The following TRAPPC12 variants were observed in gnomAD, a reference collection of about 807,000 sequenced individuals.
TRAPPC12 encodes the protein trafficking protein particle complex subunit 12, also known as TPR repeat protein 15.
In TRAPPC12, 61 loss-of-function variants were observed where a neutral mutation model predicts 69.2. The ratio of observed to expected loss-of-function variants is 0.88; its 90% CI spans 0.72 to 1.09. The LOEUF (loss-of-function observed/expected upper bound fraction) is 1.09, where lower values mean the gene tolerates loss of function less well. Ranked by LOEUF, TRAPPC12 falls within the 50% of genes least tolerant of loss-of-function variation. TRAPPC12 has a pLI of 0.00. For synonymous variants in TRAPPC12, 469 were observed against 438.9 expected, an observed-to-expected ratio of 1.07 and a Z score of -0.86; for missense variants, 1,101 against 1,016.4, an observed-to-expected ratio of 1.08 and a Z score of -1.13.
intron 3 of TRAPPC12, among the ~76,000 whole-genome samples, chr2:3,413,638 T>A (rs562443031): frequency 6.6e-5 from 10 of 152,288 alleles, no homozygotes; most frequent in East Asian, 1.9e-4. Context: ...TATGTTTTTT[T>A]AAAAAAAGAC....
At position 3,446,172 on chromosome 2, in the gene TRAPPC12, G is replaced by A. The variant is rs117021532; in HGVS notation, c.1530+2281G>A. Among the ~76,000 whole-genome samples the A allele has an allele frequency of 1.0e-3, 153 of 152,214 alleles. No individual in the cohort carries two copies. The East Asian group carries it at 0.026, about 26-fold the overall frequency. On this transcript the variant is annotated intron_variant, in intron 6 of 11. Transcript: ENST00000324266. Reference sequence around the variant, plus strand: ...CCTCTCATCTTGTGAATACATAACCGCACTTCAGGTATCTCTCATGTTTAA... The same window carrying A: ...CCTCTCATCTTGTGAATACATAACCACACTTCAGGTATCTCTCATGTTTAA...
At chr2:3,478,407 T>C (rs1414223284) in intron 10 of TRAPPC12, among the ~76,000 whole-genome samples, 1 of 152,148 alleles carries the variant, frequency 6.6e-6, no homozygotes, top group Non-Finnish European at 1.5e-5. Flanking sequence ...CTGAGGCACG[T>C]AGATCACTTG....
chr2:3,405,296 G>A (rs978065436), intron 3 of TRAPPC12, among the ~76,000 whole-genome samples: 2 of 151,978 alleles, frequency 1.3e-5, no homozygotes, highest in African/African-American at 4.8e-5. Flanking sequence ...GTAGAGGTTG[G>A]CCCCAAACAA....
intron 3 of TRAPPC12, among the ~76,000 whole-genome samples, chr2:3,421,229 A>G (rs1011387584): frequency 2.0e-5 from 3 of 152,242 alleles, no homozygotes; most frequent in African/African-American, 7.2e-5. Context: ...GTATTGCACA[A>G]GGGCAAAGAT....
intron 1 of TRAPPC12, among the ~76,000 whole-genome samples, chr2:3,383,624 C>T (rs1174059206): frequency 1.3e-5 from 2 of 151,724 alleles, no homozygotes; most frequent in East Asian, 1.9e-4. Context: ...CCAGGCTCAT[C>T]TTGAACTCCT....
chr2:3,461,348 C>T (rs920988810), intron 8 of TRAPPC12, among the ~76,000 whole-genome samples: 2 of 152,022 alleles, frequency 1.3e-5, no homozygotes, highest in African/African-American at 2.4e-5. Context: ...GCCCGCACCC[C>T]GGCTTTAGCG....
At chr2:3,454,813 G>A (rs988909980) in intron 6 of TRAPPC12, 16 of 152,478 alleles carry the variant, frequency 1.0e-4, no homozygotes, top group African/African-American at 3.6e-4. Flanking sequence ...CCTGTGGTGC[G>A]GGTCTTCTCT....
Position 3,479,287 on chromosome 2 carries a change from G to A in TRAPPC12, c.2034G>A (p.Glu678=). 2.5e-6 allele frequency: 4 copies of A among 1,614,164 alleles called. No homozygotes were observed. The highest frequency in any genetic ancestry group is 3.4e-6 in the Non-Finnish European group (4 of 1,180,038). ...TCAAGGACTCCCTGCGGCAGCTGGA[G>A]GCCATGGTCCAGCAGGACCCCAGGC... is the stretch of plus-strand genomic sequence containing the variant. ...GKLKDSLRQL[E]AMVQQDPRHY... Residue 678 remains glutamate (E), a synonymous_variant, in exon 12 of 12, where the codon GAG becomes GAA. Coordinates refer to ENST00000324266, the MANE Select transcript of TRAPPC12 (RefSeq NM_016030.6).
At chr2:3,459,764 C>G (rs929789865) in intron 7 of TRAPPC12, among the ~76,000 whole-genome samples, 4 of 152,192 alleles carry the variant, frequency 2.6e-5, no homozygotes, top group Non-Finnish European at 5.9e-5. Flanking sequence ...TTGGGGGAAC[C>G]GGCGTCTGCA....
intron 2 of TRAPPC12, among the ~76,000 whole-genome samples, chr2:3,393,847 T>C (rs934257416): frequency 6.6e-6 from 1 of 152,206 alleles, no homozygotes; most frequent in Non-Finnish European, 1.5e-5. Flanking sequence ...ATTAGAAGAA[T>C]TGGTTTCAAA....
intron 3 of TRAPPC12, among the ~76,000 whole-genome samples, chr2:3,409,246 G>C (rs1447690605): frequency 2.0e-5 from 3 of 152,168 alleles, no homozygotes; most frequent in African/African-American, 7.2e-5. Flanking sequence ...AGACAGTTAT[G>C]GTCTCAGTTC....
At chr2:3,403,710 C>T (rs901811261) in intron 3 of TRAPPC12, among the ~76,000 whole-genome samples, 4 of 152,204 alleles carry the variant, frequency 2.6e-5, no homozygotes, top group Admixed American at 6.5e-5. Flanking sequence ...GTGGCTCAGT[C>T]CCAGCTCAGA....
chr2:3,430,077 C>T (rs1190535755), intron 5 of TRAPPC12, among the ~76,000 whole-genome samples: 1 of 152,148 alleles, frequency 6.6e-6, no homozygotes, highest in Non-Finnish European at 1.5e-5. Context: ...GTCTTATAAG[C>T]TTTGTAAATG....
Position 3,461,443 on chromosome 2 carries a change from GT to G in TRAPPC12, c.1677+1109del, listed in dbSNP as rs371536111. Among the ~76,000 whole-genome samples, 76 of 152,354 alleles carry G rather than the reference GT, an allele frequency of 5.0e-4. 1 individual carries two copies. Among genetic ancestry groups the G allele is most frequent in the African/African-American group, 1.8e-3 (74 of 41,586 alleles). On this transcript the variant is annotated intron_variant, in intron 8 of 11. Coordinates refer to ENST00000324266, the MANE Select transcript of TRAPPC12 (RefSeq NM_016030.6). ...GACGCACAAGGAGACTCGGCGTCCT[GT>G]TCATCCTCGGTAGCAAGCGACCGTG...
At chr2:3,407,334 G>A (rs904725109) in intron 3 of TRAPPC12, among the ~76,000 whole-genome samples, 5 of 152,024 alleles carry the variant, frequency 3.3e-5, no homozygotes, top group South Asian at 2.1e-4. Context: ...ACCCTGTATC[G>A]TACTCCTAGC....
intron 3 of TRAPPC12, among the ~76,000 whole-genome samples, chr2:3,420,893 G>T (rs1006502224): frequency 6.6e-6 from 1 of 152,198 alleles, no homozygotes; most frequent in Non-Finnish European, 1.5e-5. Context: ...TAAACTTCTT[G>T]TCAGAGAAGC....
Position 3,388,689 on chromosome 2 carries a change from C to T in TRAPPC12, c.1047+19C>T, listed in dbSNP as rs558722663. On this transcript the variant is annotated intron_variant, in intron 2 of 11. Coordinates refer to ENST00000324266, the MANE Select transcript of TRAPPC12 (RefSeq NM_016030.6). ...CATCCAGGTGAGCCCGGGTCTCCCA[C>T]CTCCGCAGCCCGTGCCTCCTCTCTG... is the stretch of plus-strand genomic sequence containing the variant. 12 of 1,512,996 alleles carry T rather than the reference C, an allele frequency of 7.9e-6. No individual in the cohort carries two copies. In the African/African-American group the frequency reaches 1.4e-4, roughly 17 times the overall value. The allele number at this position is 1,512,996 out of a possible 1,614,324, so 93.7% of individuals were successfully genotyped here.
chr2:3,396,339 T>G (rs1661132087), intron 2 of TRAPPC12, among the ~76,000 whole-genome samples: 1 of 152,156 alleles, frequency 6.6e-6, no homozygotes, highest in Non-Finnish European at 1.5e-5. Context: ...TTATCCTCGC[T>G]CCTCTGTACC....
At chr2:3,398,608 T>C (rs1661253726) in intron 2 of TRAPPC12, among the ~76,000 whole-genome samples, 1 of 152,198 alleles carries the variant, frequency 6.6e-6, no homozygotes. Flanking sequence ...GCCCATACGC[T>C]TTCAGTCCAC....
Sources: gnomAD v4.1 joint callset for allele counts (sites outside exome capture counted in the v4.1 genomes callset) on GRCh38, gnomAD v4.1.1 for gene constraint, MANE v1.5 for transcripts, NCBI Gene and HGNC (gene_info 2026-07-23, HGNC 2026-07-21) for gene names.